VPS45: variants seen among roughly 807,000 people sequenced by gnomAD.
VPS45 encodes vacuolar protein sorting-associated protein 45.
VPS45 carries 35 observed loss-of-function variants against 75.9 expected under a neutral mutation model. The observed-to-expected ratio is 0.46, with a 90% confidence interval of 0.35 to 0.61. The LOEUF (loss-of-function observed/expected upper bound fraction) is 0.61. Among genes scored for constraint, VPS45 ranks in the 20% least tolerant of loss-of-function variants. The pLI, the probability that VPS45 is intolerant of heterozygous loss-of-function variation, is 0.00. For missense variants in VPS45, 559 were observed against 685.9 expected (o/e 0.81, Z 2.07); for synonymous variants, 220 against 238.2 (o/e 0.92, Z 0.70).
intron 14 of VPS45, among the ~76,000 whole-genome samples, chr1:150,138,833 G>T (rs1281067752): frequency 6.6e-6 from 1 of 151,932 alleles, no homozygotes; most frequent in Non-Finnish European, 1.5e-5. Context: ...TCTGATCTTT[G>T]TTGCTCAATA....
chr1:150,099,143 T>C, intron 13 of VPS45: 2 of 873,928 alleles, frequency 2.3e-6, no homozygotes, highest in Non-Finnish European at 2.8e-6. Context: ...ATAGATAAAA[T>C]GTTGCCTTTT....
intron 10 of VPS45, among the ~76,000 whole-genome samples, chr1:150,088,805 A>G (rs919199390): frequency 6.6e-6 from 1 of 152,136 alleles, no homozygotes; most frequent in Non-Finnish European, 1.5e-5. Flanking sequence ...TGGTCCATTC[A>G]TCTGTTGATG....
intron 10 of VPS45, among the ~76,000 whole-genome samples, chr1:150,089,185 T>C (rs1656188115): frequency 6.6e-6 from 1 of 152,088 alleles, no homozygotes; most frequent in African/African-American, 2.4e-5. Context: ...ACCAGTTTTG[T>C]GAATTTATAG....
chr1:150,136,316 G>T (rs1173550682), intron 14 of VPS45, among the ~76,000 whole-genome samples: 2 of 151,356 alleles, frequency 1.3e-5, no homozygotes, highest in Non-Finnish European at 2.9e-5. Flanking sequence ...CACTTTGGGA[G>T]GCCGAGGTGG....
intron 14 of VPS45, among the ~76,000 whole-genome samples, chr1:150,116,096 C>G (rs74127452): frequency 0.022 from 3,274 of 152,222 alleles, 98 homozygotes; most frequent in African/African-American, 0.074. Context: ...TATATAATCT[C>G]CCTTAATTCT....
chr1:150,073,997 G>A (rs1194999182), intron 3 of VPS45, among the ~76,000 whole-genome samples: 1 of 143,692 alleles, frequency 7.0e-6, no homozygotes, highest in Non-Finnish European at 1.5e-5. Context: ...TGTTCTGTGT[G>A]TGTGTGTGTG....
intron 14 of VPS45, among the ~76,000 whole-genome samples, chr1:150,115,630 C>G (rs1657890449): frequency 6.6e-6 from 1 of 152,174 alleles, no homozygotes. Context: ...AGATACATCT[C>G]TCTTGCATAT....
chr1:150,136,249 CAAAAA>C (rs1559946668), intron 14 of VPS45, among the ~76,000 whole-genome samples: 1 of 137,222 alleles, frequency 7.3e-6, no homozygotes, highest in Non-Finnish European at 1.5e-5. Context: ...ACTCTGTCTA[CAAAAA>C]AAAAAAAAAA....
intron 14 of VPS45, among the ~76,000 whole-genome samples, chr1:150,142,450 A>C (rs1387383063): frequency 2.0e-5 from 3 of 152,236 alleles, no homozygotes; most frequent in African/African-American, 7.2e-5. Context: ...AGAGGAACAA[A>C]TGAACTTAGC....
At chr1:150,069,550 G>A (rs188739806) in intron 2 of VPS45, among the ~76,000 whole-genome samples, 3,115 of 143,696 alleles carry the variant, frequency 0.022, 91 homozygotes, top group African/African-American at 0.076. Flanking sequence ...TCCGCCTCCC[G>A]GGTTCACGCC....
At chr1:150,124,014 T>C (rs1044922548) in intron 14 of VPS45, among the ~76,000 whole-genome samples, 1 of 152,138 alleles carries the variant, frequency 6.6e-6, no homozygotes, top group African/African-American at 2.4e-5. Flanking sequence ...TAGTACTAGA[T>C]CCAACTAAGC....
At chr1:150,073,984 G>A (rs1571816932) in intron 3 of VPS45, among the ~76,000 whole-genome samples, 1 of 151,542 alleles carries the variant, frequency 6.6e-6, no homozygotes, top group African/African-American at 2.4e-5. Context: ...GAGTCATCCA[G>A]GCTGTTCTGT....
intron 14 of VPS45, among the ~76,000 whole-genome samples, chr1:150,143,735 A>T (rs1659531794): frequency 6.6e-6 from 1 of 152,192 alleles, no homozygotes; most frequent in South Asian, 2.1e-4. Flanking sequence ...ACTCTGAGAG[A>T]TGGAACAGAC....
At chr1:150,118,808 C>T (rs1658082991) in intron 14 of VPS45, among the ~76,000 whole-genome samples, 1 of 152,078 alleles carries the variant, frequency 6.6e-6, no homozygotes, top group South Asian at 2.1e-4. Context: ...CTCTGTGTGA[C>T]CTAATAGCAT....
At chr1:150,096,575 C>A (rs187303849) in intron 13 of VPS45, among the ~76,000 whole-genome samples, 1 of 152,156 alleles carries the variant, frequency 6.6e-6, no homozygotes, top group Non-Finnish European at 1.5e-5. Context: ...CACTGACAAT[C>A]TTGAAAAGAG....
chr1:150,115,057 G>A (rs74127450), intron 14 of VPS45, among the ~76,000 whole-genome samples: 3,279 of 152,134 alleles, frequency 0.022, 98 homozygotes, highest in African/African-American at 0.074. Flanking sequence ...GTATTACTTG[G>A]TATGAAAAAG....
chr1:150,082,738 A>G lies in VPS45; in HGVS notation c.959A>G (p.Gln320Arg). The change falls in exon 10 of 15, where the codon CAG becomes CGG. Residue 320 changes from glutamine (Q) to arginine (R), a missense_variant. Transcript: ENST00000644510. ...DMKAFVENYP[Q>R]FKKMSGTVSK... is the part of the protein sequence containing the mutation. Reference sequence around the variant, plus strand: ...CAGGCGTTTGTTGAGAATTATCCACAGTTCAAGAAAATGTCTGGGACTGTT... The same window carrying G: ...CAGGCGTTTGTTGAGAATTATCCACGGTTCAAGAAAATGTCTGGGACTGTT... 1 of 1,613,278 alleles carries G rather than the reference A, an allele frequency of 6.2e-7. No homozygotes were observed. Among genetic ancestry groups the G allele is most frequent in the Non-Finnish European group, 8.5e-7 (1 of 1,179,796 alleles).
chr1:150,068,905 A>C, intron 2 of VPS45, 141 bp downstream of exon 2: 1 of 907,136 alleles, frequency 1.1e-6, no homozygotes, highest in Non-Finnish European at 1.5e-6. Flanking sequence ...TATAACCTTC[A>C]TTTTTCTTGT....
intron 4 of VPS45, 26 bp downstream of exon 4, chr1:150,076,338 T>C: frequency 6.4e-7 from 1 of 1,557,996 alleles, no homozygotes; most frequent in Middle Eastern, 1.7e-4. Flanking sequence ...CTGTAACACA[T>C]CTCGTATGTT....
Sources: allele counts gnomAD v4.1 joint callset (sites outside exome capture counted in the v4.1 genomes callset), GRCh38; gene constraint gnomAD v4.1.1; transcripts MANE v1.5; gene names NCBI Gene and HGNC (gene_info 2026-07-23, HGNC 2026-07-21).